The following PSD3 variants were observed in gnomAD, a reference collection of about 807,000 sequenced individuals.
The protein encoded by PSD3 is PH and SEC7 domain-containing protein 3.
Under a neutral mutation model 105.5 loss-of-function variants are expected in PSD3, and 49 were observed. The observed-to-expected ratio is 0.46, with a 90% CI of 0.37 to 0.59. The LOEUF is 0.59. Among genes scored for constraint, PSD3 ranks in the 20% least tolerant of loss-of-function variants. The pLI, the probability that PSD3 is intolerant of heterozygous loss-of-function variation, is 0.00. For synonymous variants in PSD3, 557 were observed against 457.8 expected (o/e 1.22, Z -2.77); for missense variants, 1,561 against 1,263.8 (o/e 1.24, Z -3.57).
intron 4 of PSD3, chr8:18,865,020 T>C (rs1586262616): frequency 1.3e-5 from 2 of 150,180 alleles, no homozygotes; most frequent in Admixed American, 6.6e-5. Context: ...AAACAGACCA[T>C]CTCAGACTTC....
intron 15 of PSD3, among the ~76,000 whole-genome samples, chr8:18,541,172 A>C (rs1226532560): frequency 1.5e-5 from 2 of 132,756 alleles, no homozygotes; most frequent in Non-Finnish European, 3.4e-5. Context: ...AAAAAAAAAA[A>C]CCTTTTGATT....
chr8:19,000,541 G>C (rs1490194143), intron 1 of PSD3: 4 of 151,858 alleles, frequency 2.6e-5, no homozygotes, highest in Non-Finnish European at 1.5e-5. Flanking sequence ...AAGGGAAAGA[G>C]CTGGGTGAGG....
rs1586048593 is a variant in PSD3, at chr8:18,801,515, C to A, written c.1911-133G>T. On this transcript the variant is annotated intron_variant, in intron 6 of 15. Coordinates refer to ENST00000327040, the MANE Select transcript of PSD3 (RefSeq NM_015310.4). ...TAAGATATTATGAAGTTATCTCCCCCCAAAAAAATCATTTACTAGACAGCC... is the reference window on the plus strand; with the variant it reads ...TAAGATATTATGAAGTTATCTCCCCACAAAAAAATCATTTACTAGACAGCC... The A allele has an allele frequency of 7.2e-6, 4 of 554,152 alleles. No individual in the cohort carries two copies. In the East Asian group the frequency reaches 1.3e-4, roughly 18 times the overall value. The allele number at this position is 554,152 out of a possible 1,614,324, so 34.3% of individuals were successfully genotyped here.
intron 2 of PSD3, among the ~76,000 whole-genome samples, chr8:18,928,658 T>C (rs1046795565): frequency 6.6e-5 from 10 of 151,508 alleles, no homozygotes; most frequent in African/African-American, 1.7e-4. Flanking sequence ...TCAGTGGGTG[T>C]TCTCTCTCTC....
chr8:18,946,781 G>A (rs1483816151), intron 1 of PSD3, among the ~76,000 whole-genome samples: 1 of 150,792 alleles, frequency 6.6e-6, no homozygotes, highest in Admixed American at 6.6e-5. Flanking sequence ...GGGGAGTGCC[G>A]GTAATCCCAG....
intron 2 of PSD3, among the ~76,000 whole-genome samples, chr8:18,883,262 C>A (rs1818236076): frequency 6.6e-6 from 1 of 152,148 alleles, no homozygotes; most frequent in Non-Finnish European, 1.5e-5. Flanking sequence ...TCATAACTGC[C>A]TGCCTCCTAA....
intron 8 of PSD3, among the ~76,000 whole-genome samples, chr8:18,788,159 A>T (rs2129445996): frequency 6.6e-6 from 1 of 152,320 alleles, no homozygotes; most frequent in Middle Eastern, 3.4e-3. Flanking sequence ...ACTGAGGACA[A>T]CATCGTGAGC....
At chr8:19,071,184 C>T (rs556175863) in intron 1 of PSD3, among the ~76,000 whole-genome samples, 20 of 152,004 alleles carry the variant, frequency 1.3e-4, no homozygotes, top group South Asian at 2.1e-4. Flanking sequence ...CTCAGCCTCC[C>T]GATTAGCTGG....
intron 11 of PSD3, among the ~76,000 whole-genome samples, chr8:18,602,219 T>C (rs1029762059): frequency 1.3e-5 from 2 of 152,196 alleles, no homozygotes. Context: ...TCTACGTTTC[T>C]ACTTTCGCAG....
chr8:19,062,973 G>C (rs1828953929), intron 1 of PSD3, among the ~76,000 whole-genome samples: 1 of 152,178 alleles, frequency 6.6e-6, no homozygotes, highest in African/African-American at 2.4e-5. Context: ...GGTGCCGATA[G>C]GTATTTGTTA....
chr8:18,644,240 A>T (rs1807865241), intron 10 of PSD3, among the ~76,000 whole-genome samples: 1 of 152,230 alleles, frequency 6.6e-6, no homozygotes, highest in Admixed American at 6.5e-5. Context: ...GGCCAGGCTG[A>T]ACATTTTCAA....
In PSD3 at chr8:18,571,431, C is replaced by T. The variant is rs77436079; in HGVS notation, c.2784+1097G>A. Among the ~76,000 whole-genome samples the T allele has an allele frequency of 7.7e-4, 117 of 152,272 alleles. 2 individuals are homozygous for T. In the East Asian group the frequency reaches 8.5e-3, roughly 11 times the overall value. ...ACTGCCTCTCATCCTTTAAGCTGCA[C>T]ATTAGGTACCACATTTCCTCCTTCA... On this transcript the variant is annotated intron_variant, in intron 14 of 15. Coordinates refer to ENST00000327040, the MANE Select transcript of PSD3 (RefSeq NM_015310.4).
intron 1 of PSD3, among the ~76,000 whole-genome samples, chr8:19,041,969 A>ATT (rs5889845): frequency 6.6e-6 from 1 of 151,596 alleles, no homozygotes; most frequent in African/African-American, 2.4e-5. Flanking sequence ...TCTATTTTGG[A>ATT]TTTTTTTTTA....
chr8:18,578,137 G>GT (rs34153272), intron 12 of PSD3, among the ~76,000 whole-genome samples: 25,921 of 149,834 alleles, frequency 0.17, 2,826 homozygotes, highest in East Asian at 0.34. Context: ...TCTTTTTCTT[G>GT]TTTTTTTCTC....
chr8:18,802,447 A>G, intron 6 of PSD3: 2 of 272,594 alleles, frequency 7.3e-6, no homozygotes, highest in African/African-American at 2.2e-5. Flanking sequence ...ATTTCTATGA[A>G]AATTTTGCCT....
chr8:18,535,928 G>C lies in PSD3; in HGVS notation c.2959C>G (p.Leu987Val), dbSNP rs145603523. 9.1e-4 allele frequency: 1,464 copies of C among 1,614,136 alleles called. 2 individuals carry two copies. The highest frequency in any genetic ancestry group is 1.1e-3 in the Non-Finnish European group (1,324 of 1,180,008). Residue 987 changes from leucine to valine, a missense_variant, in exon 16 of 16, where the codon CTC becomes GTC. Leu to Val is a conservative substitution (Grantham distance 32). Transcript: ENST00000327040. The part of the protein sequence containing the change: ...KTRYEMYVSI[L>V]KEGGKELLSN... The stretch of plus-strand genomic sequence containing the variant: ...AGTAGCTCTTTGCCTCCTTCCTTGA[G>C]AATGCTGACATACATTTCATAGCGG...
At chr8:18,579,257 A>G (rs1802658190) in intron 12 of PSD3, among the ~76,000 whole-genome samples, 1 of 152,180 alleles carries the variant, frequency 6.6e-6, no homozygotes, top group African/African-American at 2.4e-5. Context: ...ATAGTGTTTA[A>G]ATGGTAGAAT....
intron 1 of PSD3, among the ~76,000 whole-genome samples, chr8:19,049,842 T>A (rs1357882283): frequency 6.6e-6 from 1 of 151,984 alleles, no homozygotes; most frequent in Non-Finnish European, 1.5e-5. Context: ...CAAATTCGAG[T>A]CTGAAGCCAG....
Position 18,528,080 on chromosome 8 carries a change from A to G in PSD3, c.*7663T>C, listed in dbSNP as rs965773650. 1 of 152,244 alleles carries G rather than the reference A, an allele frequency of 6.6e-6. No homozygotes were observed. Among genetic ancestry groups the G allele is most frequent in the Non-Finnish European group, 1.5e-5 (1 of 68,050 alleles). The allele number at this position is 152,244 out of a possible 1,614,324, so 9.4% of individuals were successfully genotyped here. On this transcript the variant is annotated 3_prime_UTR_variant, in exon 16 of 16. Transcript: ENST00000327040. ...TCTTTTATATTAAAAGATACAAATTATCGCCTTTCTGCCTGTCCTATGGTA... is the reference window on the plus strand; with the variant it reads ...TCTTTTATATTAAAAGATACAAATTGTCGCCTTTCTGCCTGTCCTATGGTA...
Sources: gnomAD v4.1 joint callset for allele counts (sites outside exome capture counted in the v4.1 genomes callset) on GRCh38, gnomAD v4.1.1 for gene constraint, MANE v1.5 for transcripts, NCBI Gene and HGNC (gene_info 2026-07-23, HGNC 2026-07-21) for gene names.